Variants in FRMPD1 observed in about 807,000 individuals in gnomAD.
FRMPD1 encodes FERM and PDZ domain-containing protein 1.
In FRMPD1, 76 loss-of-function variants were observed where a neutral mutation model predicts 117.8. That is an observed-to-expected ratio of 0.65 (90% confidence interval 0.54 to 0.78). The LOEUF is 0.78. Ranked by LOEUF, FRMPD1 falls within the 30% of genes least tolerant of loss-of-function variation. FRMPD1 has a pLI of 0.00. For missense variants in FRMPD1, 1,786 were observed against 1,964.5 expected, an observed-to-expected ratio of 0.91 and a Z score of 1.72; for synonymous variants, 783 against 770.4, an observed-to-expected ratio of 1.02 and a Z score of -0.27.
upstream of FRMPD1, among the ~76,000 whole-genome samples, chr9:37,649,569 T>G (rs1392356351): frequency 6.6e-6 from 1 of 152,134 alleles, no homozygotes; most frequent in African/African-American, 2.4e-5. Flanking sequence ...ACTCCTGGAT[T>G]TGGAAATGAA....
chr9:37,682,994 T>C (rs1259069387), intron 1 of FRMPD1, among the ~76,000 whole-genome samples: 5 of 152,362 alleles, frequency 3.3e-5, no homozygotes, highest in African/African-American at 9.6e-5. Flanking sequence ...AGGACACTTT[T>C]ATCACCTTAA....
chr9:37,724,502 C>A lies in FRMPD1; in HGVS notation c.612+182C>A, dbSNP rs148789598. Among the ~76,000 whole-genome samples the A allele has an allele frequency of 1.1e-3, 163 of 152,170 alleles. 2 individuals are homozygous for A. Among genetic ancestry groups the A allele is most frequent in the Non-Finnish European group, 2.0e-3 (138 of 68,000 alleles). ...TTGCACGACCACCCAGAAAGATGGTCTTTTTACCACCATCGTAACTGGGTG... is the reference window on the plus strand; with the variant it reads ...TTGCACGACCACCCAGAAAGATGGTATTTTTACCACCATCGTAACTGGGTG... On this transcript the variant is annotated intron_variant, in intron 7 of 15. Transcript: ENST00000377765.
Position 37,692,729 on chromosome 9 carries a change from G to A in FRMPD1, c.88G>A (p.Asp30Asn). ...MVARWLRRSR[D>N]SSARAKVAAA... ...GGCAAGATGGCTTCGGCGCTCCCGG[G>A]ACAGCTCGGCCCGGTAAGCCTCCTG... is the stretch of plus-strand genomic sequence containing the variant. The change falls in exon 2 of 16, where the codon GAC becomes AAC. Residue 30 changes from aspartate to asparagine, a missense_variant. Physicochemically the swap from Asp to Asn is conservative, Grantham distance 23 (BLOSUM62 1). Coordinates refer to ENST00000377765, the MANE Select transcript of FRMPD1 (RefSeq NM_014907.3). 2 of 1,612,980 alleles carry A rather than the reference G, an allele frequency of 1.2e-6. No homozygotes were observed. The highest frequency in any genetic ancestry group is 1.7e-6 in the Non-Finnish European group (2 of 1,178,976).
At chr9:37,686,319 G>A (rs1395623273) in intron 1 of FRMPD1, among the ~76,000 whole-genome samples, 1 of 152,216 alleles carries the variant, frequency 6.6e-6, no homozygotes, top group African/African-American at 2.4e-5. Context: ...CTGCAGACGA[G>A]TGGAATTCAG....
intron 7 of FRMPD1, 31 bp from the exon 8 acceptor site, chr9:37,729,697 C>G (rs751858349): frequency 6.2e-7 from 1 of 1,609,314 alleles, no homozygotes; most frequent in East Asian, 2.2e-5. Context: ...CTGTTTCTTG[C>G]GTAACTCCTG....
intron 2 of FRMPD1, 42 bp downstream of exon 2, chr9:37,692,784 G>C: frequency 2.2e-6 from 3 of 1,369,380 alleles, no homozygotes; most frequent in Non-Finnish European, 3.1e-6. Flanking sequence ...ATAAAGGTCT[G>C]GTGTCCCGGG....
the FRMPD1 span, among the ~76,000 whole-genome samples, chr9:37,623,236 C>T: frequency 6.6e-6 from 1 of 152,202 alleles, no homozygotes; most frequent in Admixed American, 6.5e-5. Context: ...GTTCTCATTG[C>T]TAGGGGTACC....
At position 37,675,619 on chromosome 9, in the gene FRMPD1, T is replaced by C. The variant is rs549398575; in HGVS notation, c.-4-17019T>C. ...TTGGGAAGTGGGGAGAGTAGGGTGT[T>C]TAATGGTGCTCATGATGTAGGTGCC... On this transcript the variant is annotated intron_variant, in intron 1 of 15. Transcript: ENST00000377765. Among the ~76,000 whole-genome samples, 313 of 151,906 alleles carry C rather than the reference T, an allele frequency of 2.1e-3. 3 individuals carry two copies. The highest frequency in any genetic ancestry group is 7.2e-3 in the African/African-American group (299 of 41,452).
intron 1 of FRMPD1, among the ~76,000 whole-genome samples, chr9:37,664,603 G>A (rs1821104623): frequency 1.3e-5 from 2 of 152,070 alleles, no homozygotes; most frequent in South Asian, 4.1e-4. Context: ...AGTTTGCTGA[G>A]GATGATGGTT....
the FRMPD1 span, among the ~76,000 whole-genome samples, chr9:37,606,465 C>G: frequency 6.6e-6 from 1 of 152,188 alleles, no homozygotes; most frequent in African/African-American, 2.4e-5. Flanking sequence ...TATGGTCACA[C>G]TGCCCATGGA....
At chr9:37,653,677 A>C (rs1173715485) in intron 1 of FRMPD1, among the ~76,000 whole-genome samples, 1 of 152,224 alleles carries the variant, frequency 6.6e-6, no homozygotes, top group East Asian at 1.9e-4. Context: ...AGCTCTAAAT[A>C]TATCAGCTTT....
chr9:37,700,730 A>G (rs1335436131), intron 2 of FRMPD1, among the ~76,000 whole-genome samples: 1 of 152,178 alleles, frequency 6.6e-6, no homozygotes, highest in Non-Finnish European at 1.5e-5. Context: ...TAAATGTAAC[A>G]TGTTTGTTCT....
chr9:37,633,083 G>C, the FRMPD1 span, among the ~76,000 whole-genome samples: 1 of 150,136 alleles, frequency 6.7e-6, no homozygotes, highest in Non-Finnish European at 1.5e-5. Flanking sequence ...CCCCCAGGTA[G>C]GAGTGCAGTG....
chr9:37,666,377 G>A (rs1821160756), intron 1 of FRMPD1, among the ~76,000 whole-genome samples: 1 of 152,054 alleles, frequency 6.6e-6, no homozygotes. Context: ...TGGTGATCTG[G>A]CTTCTTCCAC....
At chr9:37,644,479 C>A in the FRMPD1 span, among the ~76,000 whole-genome samples, 2 of 152,154 alleles carry the variant, frequency 1.3e-5, no homozygotes, top group Non-Finnish European at 2.9e-5. Context: ...GTCCTATGCC[C>A]CATTCACTGT....
chr9:37,645,378 G>A, the FRMPD1 span, among the ~76,000 whole-genome samples: 11 of 151,978 alleles, frequency 7.2e-5, no homozygotes, highest in African/African-American at 2.7e-4. Context: ...CAATAGATTC[G>A]AATACCAGTT....
chr9:37,730,901 G>A (rs1398493732), intron 8 of FRMPD1, 83 bp from the exon 9 acceptor site: 1 of 1,375,370 alleles, frequency 7.3e-7, no homozygotes, highest in Non-Finnish European at 1.0e-6. Flanking sequence ...TTCACTGTCT[G>A]TGTTTTATAG....
Position 37,722,939 on chromosome 9 carries a change from C to T in FRMPD1, c.517-1286C>T, listed in dbSNP as rs145288865. ...GAGCTGGGAGATTCTCCAAAACCCTCTCCTGCTCCATCCCAGGAGTTCTAG... is the reference window on the plus strand; with the variant it reads ...GAGCTGGGAGATTCTCCAAAACCCTTTCCTGCTCCATCCCAGGAGTTCTAG... On this transcript the variant is annotated intron_variant, in intron 6 of 15. Coordinates refer to ENST00000377765, the MANE Select transcript of FRMPD1 (RefSeq NM_014907.3). 5.4e-3 allele frequency among the ~76,000 whole-genome samples: 828 copies of T among 152,298 alleles called. 5 individuals are homozygous for T. The highest frequency in any genetic ancestry group is 0.02 in the Middle Eastern group (6 of 294).
At chr9:37,729,189 C>A (rs1052612796) in intron 7 of FRMPD1, among the ~76,000 whole-genome samples, 1 of 151,604 alleles carries the variant, frequency 6.6e-6, no homozygotes, top group Non-Finnish European at 1.5e-5. Context: ...TCAAGACCAG[C>A]CTGGCCAACA....
Sources: allele counts gnomAD v4.1 joint callset (sites outside exome capture counted in the v4.1 genomes callset), GRCh38; gene constraint gnomAD v4.1.1; transcripts MANE v1.5; gene names NCBI Gene and HGNC (gene_info 2026-07-23, HGNC 2026-07-21).